SUN1: variants seen among roughly 807,000 people sequenced by gnomAD.
The protein encoded by SUN1 is Sad1 and UNC84 domain containing 1.
Under a neutral mutation model 103.2 loss-of-function variants are expected in SUN1, and 61 were observed. The ratio of observed to expected loss-of-function variants is 0.59; its 90% CI spans 0.48 to 0.73. SUN1 has a LOEUF of 0.73. Ranked by LOEUF, SUN1 falls within the 30% of genes least tolerant of loss-of-function variation. The pLI is 0.00. For synonymous variants in SUN1, 490 were observed against 425.7 expected (o/e 1.15, Z -1.86); for missense variants, 1,052 against 1,034.6 (o/e 1.02, Z -0.23).
At chr7:818,204 C>T (rs1250121418) in intron 1 of SUN1, among the ~76,000 whole-genome samples, 1 of 152,200 alleles carries the variant, frequency 6.6e-6, no homozygotes, top group Non-Finnish European at 1.5e-5. Flanking sequence ...TCTTCCGTCT[C>T]CCCAGGCCCC....
chr7:866,199 G>A, intron 16 of SUN1, 132 bp downstream of exon 16: 1 of 755,748 alleles, frequency 1.3e-6, no homozygotes, highest in Non-Finnish European at 2.2e-6. Flanking sequence ...CACAAGAAGT[G>A]GCAGCGTTCC....
At position 855,022 on chromosome 7, in the gene SUN1, C is replaced by T. The variant is rs755852517; in HGVS notation, c.1350+16C>T. 2.5e-6 allele frequency: 4 copies of T among 1,584,866 alleles called. No individual in the cohort carries two copies. Among genetic ancestry groups the T allele is most frequent in the Middle Eastern group, 1.7e-4 (1 of 5,978 alleles). On this transcript the variant is annotated intron_variant, in intron 11 of 18. Transcript: ENST00000401592. The stretch of plus-strand genomic sequence containing the variant: ...AAAATCTGAGGTATTTATTTTTGAC[C>T]TTACGCTTTTTTAAAATAAAAAGAA...
intron 18 of SUN1, 26 bp downstream of exon 18, chr7:872,588 G>A: frequency 6.5e-7 from 1 of 1,548,872 alleles, no homozygotes; most frequent in African/African-American, 1.4e-5. Context: ...GGCACTGCCT[G>A]GGGTCTCTGA....
At chr7:852,560 C>T (rs1562705340) in intron 7 of SUN1, 49 bp from the exon 8 acceptor site, 1 of 1,610,276 alleles carries the variant, frequency 6.2e-7, no homozygotes, top group Non-Finnish European at 8.5e-7. Flanking sequence ...GATTGGTGAA[C>T]CCTGACTTTC....
At chr7:853,306 C>T (rs1823978746) in intron 9 of SUN1, 103 bp from the exon 10 acceptor site, 1 of 1,360,146 alleles carries the variant, frequency 7.4e-7, no homozygotes, top group East Asian at 2.3e-5. Flanking sequence ...TGCCGTGCGC[C>T]CCAGAGCTGG....
At chr7:818,155 A>G (rs1782619714) in intron 1 of SUN1, among the ~76,000 whole-genome samples, 2 of 152,200 alleles carry the variant, frequency 1.3e-5, no homozygotes, top group Non-Finnish European at 2.9e-5. Context: ...TCATCATCCC[A>G]GATGGAAACC....
At chr7:832,072 A>G (rs574863745), upstream of SUN1, 30 of 993,082 alleles carry the variant, frequency 3.0e-5, no homozygotes, top group South Asian at 8.7e-4. Context: ...CTAGGAACGC[A>G]TACGCTGCTG....
rs144403653 is a variant in SUN1 at position 855,300 on chromosome 7, T to C, written c.1350+294T>C. ...CGGCCTCTGGGTTCCCATCCAGCTC[T>C]TTCCGGCTCCAGGGTGCTTCCTCAC... On this transcript the variant is annotated intron_variant, in intron 11 of 18. Transcript: ENST00000401592. Among the ~76,000 whole-genome samples the C allele has an allele frequency of 2.6e-3, 393 of 152,338 alleles. 2 individuals carry two copies. The highest frequency in any genetic ancestry group is 8.9e-3 in the African/African-American group (372 of 41,570).
chr7:825,129 G>T (rs1023885156), intron 1 of SUN1, among the ~76,000 whole-genome samples: 2 of 151,944 alleles, frequency 1.3e-5, no homozygotes, highest in Admixed American at 1.3e-4. Flanking sequence ...CACGATCTCA[G>T]CTCACTGCAA....
intron 1 of SUN1, among the ~76,000 whole-genome samples, chr7:834,960 C>T (rs1229819644): frequency 6.6e-6 from 1 of 152,188 alleles, no homozygotes; most frequent in African/African-American, 2.4e-5. Flanking sequence ...CCTGTAATCC[C>T]AGCTACTTGG....
rs569052549 is a variant in SUN1, at chr7:817,102, G to A, written c.-74+429G>A. Among the ~76,000 whole-genome samples the A allele has an allele frequency of 7.6e-4, 116 of 152,178 alleles. 1 individual carries two copies. The highest frequency in any genetic ancestry group is 5.4e-3 in the South Asian group (26 of 4,832). ...GGGGTCCCAGCCCCTGGAAGTAGCG[G>A]CGGGGCCGTGGGTGGGGTGGTGGGA... On this transcript the variant is annotated intron_variant, in intron 1 of 17. Transcript: ENST00000389574.
At chr7:846,416 T>C (rs1815816326) in intron 5 of SUN1, among the ~76,000 whole-genome samples, 1 of 151,776 alleles carries the variant, frequency 6.6e-6, no homozygotes, top group Non-Finnish European at 1.5e-5. Flanking sequence ...CCAACACACA[T>C]TGTATCTTTT....
chr7:861,516 G>C, intron 15 of SUN1, 52 bp downstream of exon 15: 1 of 1,595,260 alleles, frequency 6.3e-7, no homozygotes, highest in African/African-American at 1.3e-5. Flanking sequence ...CTGTTAGCAG[G>C]GGTGTGCACT....
chr7:831,123 TAAG>T (rs1007321770), upstream of SUN1: 32 of 583,142 alleles, frequency 5.5e-5, 1 homozygote, highest in African/African-American at 6.1e-4. Context: ...TTACGTGGAT[TAAG>T]TGATCACAGT....
chr7:832,749 T>A, intron 1 of SUN1, 148 bp downstream of exon 1: 1 of 681,760 alleles, frequency 1.5e-6, no homozygotes, highest in Non-Finnish European at 2.5e-6. Context: ...ATCTTATGGC[T>A]TTAGAGGTGG....
intron 1 of SUN1, among the ~76,000 whole-genome samples, chr7:838,414 A>T (rs1406140538): frequency 2.0e-5 from 3 of 152,146 alleles, no homozygotes; most frequent in African/African-American, 7.2e-5. Flanking sequence ...GCACTGGTGT[A>T]TTGGATTAAA....
At chr7:820,919 C>G (rs1785280276) in intron 1 of SUN1, among the ~76,000 whole-genome samples, 1 of 152,104 alleles carries the variant, frequency 6.6e-6, no homozygotes, top group Non-Finnish European at 1.5e-5. Context: ...TTTTTGGAGC[C>G]TTCTGGGGGT....
chr7:823,440 G>A lies in SUN1; in HGVS notation c.-74+6767G>A, dbSNP rs547609700. ...GGGTGTAACTAGACCAAGGAGATGC[G>A]GAAGGGGATCAGGAAATAGGAGGGC... On this transcript the variant is annotated intron_variant, in intron 1 of 17. Coordinates refer to the SUN1 transcript ENST00000389574. 4.0e-5 allele frequency among the ~76,000 whole-genome samples: 6 copies of A among 151,520 alleles called. No individual in the cohort carries two copies. The South Asian group carries it at 6.2e-4, about 16-fold the overall frequency.
At chr7:833,552 C>T (rs1435799968) in intron 1 of SUN1, among the ~76,000 whole-genome samples, 3 of 152,160 alleles carry the variant, frequency 2.0e-5, no homozygotes, top group Non-Finnish European at 4.4e-5. Context: ...CTCAGGTGAT[C>T]CACCCACCTC....
Sources: gnomAD v4.1 joint callset for allele counts (sites outside exome capture counted in the v4.1 genomes callset) on GRCh38, gnomAD v4.1.1 for gene constraint, MANE v1.5 for transcripts, NCBI Gene and HGNC (gene_info 2026-07-23, HGNC 2026-07-21) for gene names.